CHMP3: variants seen among roughly 807,000 people sequenced by gnomAD.
CHMP3 encodes charged multivesicular body protein 3.
A neutral mutation model predicts 27.4 loss-of-function variants in CHMP3; 8 were observed. The ratio of observed to expected loss-of-function variants is 0.29; its 90% CI spans 0.17 to 0.53. The LOEUF (loss-of-function observed/expected upper bound fraction) is 0.53. Among genes scored for constraint, CHMP3 ranks in the 20% least tolerant of loss-of-function variants. The pLI is 0.96. For missense variants in CHMP3, 208 were observed against 271.5 expected (o/e 0.77, Z 1.64); for synonymous variants, 86 against 85.5 (o/e 1.01, Z -0.03).
chr2:86,505,477 T>G lies in CHMP3; in HGVS notation c.*327A>C. 9.9e-6 allele frequency: 2 copies of G among 201,912 alleles called. No homozygotes were observed. Among genetic ancestry groups the G allele is most frequent in the East Asian group, 1.2e-4 (1 of 8,648 alleles). The allele number at this position is 201,912 out of a possible 1,614,324, so 12.5% of individuals were successfully genotyped here. On this transcript the variant is annotated 3_prime_UTR_variant, in exon 6 of 6. Transcript: ENST00000263856. Reference sequence around the variant, plus strand: ...TAAAGCAAAAATTTATTAAAATTCATTTATATAGTGTTTTATAGACAAAAG... The same window carrying G: ...TAAAGCAAAAATTTATTAAAATTCAGTTATATAGTGTTTTATAGACAAAAG...
Position 86,542,197 on chromosome 2 carries a change from T to C in CHMP3, c.106+55A>G, listed in dbSNP as rs1400589033. 5.1e-6 allele frequency: 8 copies of C among 1,578,204 alleles called. No homozygotes were observed. In the South Asian group the frequency reaches 7.8e-5, roughly 15 times the overall value. ...ATAAATGCAGTTTATTTTTATGAAC[T>C]GAAGCAAAATATACCAAGAGGGTGA... On this transcript the variant is annotated intron_variant, in intron 2 of 5. Transcript: ENST00000263856.
chr2:86,519,039 T>C (rs1317236422), intron 3 of CHMP3, among the ~76,000 whole-genome samples: 3 of 152,170 alleles, frequency 2.0e-5, no homozygotes, highest in Non-Finnish European at 4.4e-5. Flanking sequence ...ATAGACGTTA[T>C]AGAAATAATC....
intron 2 of CHMP3, among the ~76,000 whole-genome samples, chr2:86,536,342 T>G (rs527832434): frequency 6.6e-6 from 1 of 152,334 alleles, no homozygotes; most frequent in Non-Finnish European, 1.5e-5. Flanking sequence ...ATGGAGATAC[T>G]TATTTCTTCA....
chr2:86,520,671 G>A (rs1675486622), intron 3 of CHMP3, among the ~76,000 whole-genome samples: 1 of 152,144 alleles, frequency 6.6e-6, no homozygotes, highest in Admixed American at 6.5e-5. Flanking sequence ...TTTCACAAAC[G>A]TTATGCTTGA....
chr2:86,550,105 T>A (rs1018995992), intron 1 of CHMP3, among the ~76,000 whole-genome samples: 29 of 151,330 alleles, frequency 1.9e-4, no homozygotes, highest in African/African-American at 7.1e-4. Flanking sequence ...ATTGAGTGAG[T>A]GAGACTCCGT....
intron 4 of CHMP3, 70 bp downstream of exon 4, chr2:86,510,285 TCCC>T: frequency 2.7e-6 from 2 of 748,306 alleles, no homozygotes; most frequent in East Asian, 4.7e-5. Flanking sequence ...CCCACCCTCA[TCCC>T]TAGCCCCCTG....
At chr2:86,562,850 G>A (rs143238345) in intron 1 of CHMP3, 162 of 157,528 alleles carry the variant, frequency 1.0e-3, no homozygotes, top group African/African-American at 3.8e-3. Context: ...CAACAGGGAG[G>A]ACGGAGAACA....
intron 1 of CHMP3, among the ~76,000 whole-genome samples, chr2:86,549,008 G>T (rs1030713380): frequency 6.6e-6 from 1 of 150,728 alleles, no homozygotes; most frequent in Non-Finnish European, 1.5e-5. Flanking sequence ...GGGCGGCCAG[G>T]CAGAGGCGCT....
intron 3 of CHMP3, among the ~76,000 whole-genome samples, chr2:86,520,122 C>T (rs1042492116): frequency 2.0e-5 from 3 of 152,146 alleles, no homozygotes; most frequent in Non-Finnish European, 2.9e-5. Flanking sequence ...GAGGCCAAGA[C>T]AAAGAAATTG....
intron 1 of CHMP3, 149 bp from the exon 2 acceptor site, chr2:86,542,461 CTTTTT>C: frequency 1.3e-6 from 1 of 753,414 alleles, no homozygotes; most frequent in Non-Finnish European, 2.2e-6. Context: ...TCAAATTTTA[CTTTTT>C]TTTAATTTCA....
At chr2:86,562,951 G>A (rs1002554979) in intron 1 of CHMP3, 1 of 215,406 alleles carries the variant, frequency 4.6e-6, no homozygotes. Context: ...CCGGGCTGGA[G>A]GGGTGGGGCC....
Position 86,550,241 on chromosome 2 carries a change from C to T in CHMP3, c.46-7929G>A, listed in dbSNP as rs778487646. ...AAATGCAAAAACCAGTCAGGCGTGG[C>T]GGCGCACGCCCGCAATCCCAGGCAC... On this transcript the variant is annotated intron_variant, in intron 1 of 5. Coordinates refer to ENST00000263856, the MANE Select transcript of CHMP3 (RefSeq NM_016079.4). Among the ~76,000 whole-genome samples, 12 of 152,292 alleles carry T rather than the reference C, an allele frequency of 7.9e-5. 1 individual carries two copies. Among genetic ancestry groups the T allele is most frequent in the Admixed American group, 4.6e-4 (7 of 15,310 alleles).
intron 5 of CHMP3, among the ~76,000 whole-genome samples, chr2:86,506,345 T>A (rs1303479332): frequency 2.0e-5 from 3 of 152,202 alleles, no homozygotes; most frequent in African/African-American, 4.8e-5. Flanking sequence ...ACCATTTTTT[T>A]AATTAAACAT....
At chr2:86,562,762 G>T (rs558820877) in intron 1 of CHMP3, 1 of 152,592 alleles carries the variant, frequency 6.6e-6, no homozygotes, top group South Asian at 2.0e-4. Flanking sequence ...TCTGGGTCGA[G>T]TCCCTGCCCC....
chr2:86,554,849 AT>A (rs70956122), intron 1 of CHMP3, among the ~76,000 whole-genome samples: 49,628 of 127,530 alleles, frequency 0.39, 10,555 homozygotes, highest in East Asian at 0.74. Flanking sequence ...GTGTGTGTAG[AT>A]TTTTTTTTTT....
intron 2 of CHMP3, among the ~76,000 whole-genome samples, chr2:86,539,990 G>C (rs1362493236): frequency 1.3e-5 from 2 of 151,920 alleles, no homozygotes; most frequent in African/African-American, 4.8e-5. Context: ...GATAACATAG[G>C]GTTGTTTTGT....
intron 3 of CHMP3, among the ~76,000 whole-genome samples, chr2:86,524,075 T>A (rs749897463): frequency 6.6e-6 from 1 of 152,146 alleles, no homozygotes; most frequent in Admixed American, 6.6e-5. Context: ...CCTCACAACC[T>A]GCTTATGAGG....
intron 3 of CHMP3, 121 bp downstream of exon 3, chr2:86,529,097 A>T: frequency 8.7e-7 from 1 of 1,149,952 alleles, no homozygotes; most frequent in Non-Finnish European, 1.2e-6. Flanking sequence ...TACAACACTC[A>T]ACACTAAGAA....
chr2:86,515,451 T>A (rs911540407), intron 3 of CHMP3: 2 of 152,218 alleles, frequency 1.3e-5, no homozygotes, highest in African/African-American at 4.8e-5. Flanking sequence ...GCCTCCTGAG[T>A]AGTTGGGATT....
Sources: gnomAD v4.1 joint callset for allele counts (sites outside exome capture counted in the v4.1 genomes callset) on GRCh38, gnomAD v4.1.1 for gene constraint, MANE v1.5 for transcripts, NCBI Gene and HGNC (gene_info 2026-07-23, HGNC 2026-07-21) for gene names.